ITIH5: variants seen among roughly 807,000 people sequenced by gnomAD.
ITIH5 encodes inter-alpha-trypsin inhibitor heavy chain H5.
ITIH5 carries 65 observed loss-of-function variants against 77.5 expected under a neutral mutation model. The observed-to-expected ratio is 0.84, with a 90% CI of 0.69 to 1.03. ITIH5 has a LOEUF of 1.03. Among genes scored for constraint, ITIH5 ranks in the 50% least tolerant of loss-of-function variants. The probability of loss-of-function intolerance (pLI) is 0.00; values close to 1 mark genes in which losing one functional copy is unlikely to be tolerated. For missense variants in ITIH5, 1,208 were observed against 1,213.1 expected, an observed-to-expected ratio of 1.00 and a Z score of 0.06; for synonymous variants, 525 against 494.3, an observed-to-expected ratio of 1.06 and a Z score of -0.82.
chr10:7,623,802 C>CAA (rs55790282), intron 5 of ITIH5, among the ~76,000 whole-genome samples: 1,827 of 79,760 alleles, frequency 0.023, 72 homozygotes, highest in African/African-American at 0.057. Flanking sequence ...GACTCCATCT[C>CAA]AAAAAAAAAA....
Position 7,660,038 on chromosome 10 carries a change from A to G in ITIH5, c.91-4363T>C, listed in dbSNP as rs117019632. On this transcript the variant is annotated intron_variant, in intron 1 of 13. Coordinates refer to ENST00000397146, the MANE Select transcript of ITIH5 (RefSeq NM_030569.7). ...TTCCACTGACTTCCTTGAGGCCCCA[A>G]ATCATGGACTTAAGAGATGGTGCTA... 8.4e-4 allele frequency among the ~76,000 whole-genome samples: 128 copies of G among 152,286 alleles called. 1 individual carries two copies. In the East Asian group the frequency reaches 0.02, roughly 23 times the overall value.
At chr10:7,625,773 A>AAAAGAAAG (rs199961590) in intron 5 of ITIH5, among the ~76,000 whole-genome samples, 7 of 149,682 alleles carry the variant, frequency 4.7e-5, no homozygotes, top group East Asian at 2.0e-4. Context: ...TCAAAAAAAA[A>AAAAGAAAG]AAAGAAAGAA....
chr10:7,580,047 C>G lies in ITIH5; in HGVS notation c.1126G>C (p.Ala376Pro), dbSNP rs545290385. 5.4e-5 allele frequency: 86 copies of G among 1,605,200 alleles called. No individual in the cohort carries two copies. The South Asian group carries it at 8.8e-4, about 16-fold the overall frequency. The change falls in exon 9 of 14, where the codon GCC (alanine) becomes CCC (proline). Residue 376 changes from alanine to proline, a missense_variant. Ala to Pro is a conservative substitution (Grantham distance 27). Transcript: ENST00000397146. ...SPTGGTDING[A>P]LQRAIRLLNK... ...AGGAGCCTGATGGCCCTCTGCAGGG[C>G]CCCGTTGATGTCTGTGCCTGCAGGA...
chr10:7,613,548 A>G (rs1439176460), intron 7 of ITIH5, among the ~76,000 whole-genome samples: 1 of 152,254 alleles, frequency 6.6e-6, no homozygotes, highest in Non-Finnish European at 1.5e-5. Context: ...ATCCTAAAAC[A>G]TCACAGAGGA....
chr10:7,564,078 C>A (rs1832092668), intron 13 of ITIH5, among the ~76,000 whole-genome samples: 1 of 151,300 alleles, frequency 6.6e-6, no homozygotes, highest in Non-Finnish European at 1.5e-5. Context: ...CACGTGGGTG[C>A]CCCCCCGGTG....
rs568917393 is a variant in ITIH5 at position 7,560,182 on chromosome 10, T to C, written c.*2901A>G. On this transcript the variant is annotated 3_prime_UTR_variant, in exon 14 of 14. Coordinates refer to ENST00000397146, the MANE Select transcript of ITIH5 (RefSeq NM_030569.7). The stretch of plus-strand genomic sequence containing the variant: ...TCTTCTTATAAGGGCCTTAATCCCA[T>C]TCGTGAGGGCTCTGCCCTCAAGACC... 6.1e-5 allele frequency: 11 copies of C among 180,626 alleles called. No homozygotes were observed. In the South Asian group the frequency reaches 1.2e-3, roughly 19 times the overall value. The allele number at this position is 180,626 out of a possible 1,614,324, so 11.2% of individuals were successfully genotyped here. A position where few individuals can be genotyped will look rare whatever the true frequency, so the allele number is the denominator to read the frequency against.
chr10:7,579,772 T>A lies in ITIH5; in HGVS notation c.1401A>T (p.Ala467=), dbSNP rs140879803. The A allele has an allele frequency of 4.3e-6, 7 of 1,613,608 alleles. No individual in the cohort carries two copies. In the African/African-American group the frequency reaches 9.3e-5, roughly 22 times the overall value. Residue 467 remains alanine, a synonymous_variant, in exon 9 of 14, where the codon GCA becomes GCT. Coordinates refer to ENST00000397146, the MANE Select transcript of ITIH5 (RefSeq NM_030569.7). ...LTRRVHEEED[A]GSQLIGFYDE... Reference sequence around the variant, plus strand: ...CCACAGACCCGATGAGCTGCGAGCCTGCGTCCTCCTCCTCGTGCACGCGCC... The same window carrying A: ...CCACAGACCCGATGAGCTGCGAGCCAGCGTCCTCCTCCTCGTGCACGCGCC...
intron 4 of ITIH5, among the ~76,000 whole-genome samples, chr10:7,638,563 C>T (rs776119021): frequency 6.6e-6 from 1 of 152,196 alleles, no homozygotes; most frequent in Non-Finnish European, 1.5e-5. Flanking sequence ...TAAAGTCATA[C>T]ACAGCCAAAA....
At chr10:7,648,304 T>C (rs1157517533) in intron 2 of ITIH5, among the ~76,000 whole-genome samples, 2 of 151,724 alleles carry the variant, frequency 1.3e-5, no homozygotes, top group Non-Finnish European at 2.9e-5. Context: ...GCAGTGATTA[T>C]TGTTTGATAA....
chr10:7,616,283 T>C (rs1404536333), intron 6 of ITIH5, among the ~76,000 whole-genome samples, 185 bp from the exon 7 acceptor site: 1 of 152,194 alleles, frequency 6.6e-6, no homozygotes, highest in Non-Finnish European at 1.5e-5. Flanking sequence ...GCTCATTTAA[T>C]CTGTATAAGG....
intron 5 of ITIH5, among the ~76,000 whole-genome samples, chr10:7,624,550 G>A (rs1833526908): frequency 1.3e-5 from 2 of 151,020 alleles, no homozygotes; most frequent in Non-Finnish European, 2.9e-5. Context: ...AGGCACGGTG[G>A]CTCATGCCTA....
At chr10:7,606,240 G>C (rs1833123027) in intron 7 of ITIH5, among the ~76,000 whole-genome samples, 1 of 152,176 alleles carries the variant, frequency 6.6e-6, no homozygotes, top group African/African-American at 2.4e-5. Context: ...AATCCAGCCA[G>C]CCCATTATTG....
intron 7 of ITIH5, among the ~76,000 whole-genome samples, chr10:7,604,055 C>T (rs903429241): frequency 5.3e-5 from 8 of 152,166 alleles, no homozygotes; most frequent in Admixed American, 3.3e-4. Flanking sequence ...TCCCAGGCAC[C>T]TCCAGGTTCT....
At chr10:7,622,679 T>C (rs988776239) in intron 5 of ITIH5, among the ~76,000 whole-genome samples, 8 of 152,194 alleles carry the variant, frequency 5.3e-5, no homozygotes, top group African/African-American at 1.2e-4. Context: ...ATACACATTA[T>C]ACATATGTCA....
At chr10:7,625,764 C>CAA (rs376876834) in intron 5 of ITIH5, among the ~76,000 whole-genome samples, 28 of 117,928 alleles carry the variant, frequency 2.4e-4, no homozygotes, top group East Asian at 7.3e-4. Flanking sequence ...TATTCTGTCT[C>CAA]AAAAAAAAAA....
At chr10:7,645,716 C>T (rs886251077) in intron 2 of ITIH5, among the ~76,000 whole-genome samples, 2 of 152,124 alleles carry the variant, frequency 1.3e-5, no homozygotes, top group Non-Finnish European at 2.9e-5. Context: ...TTAATGGAAA[C>T]CTAGTCTCTT....
intron 1 of ITIH5, among the ~76,000 whole-genome samples, chr10:7,658,020 G>A (rs931434059): frequency 3.3e-5 from 5 of 152,192 alleles, no homozygotes; most frequent in African/African-American, 4.8e-5. Context: ...ATACCACAGC[G>A]TAACCTAGTC....
At chr10:7,622,948 T>C (rs1020512064) in intron 5 of ITIH5, among the ~76,000 whole-genome samples, 1 of 152,248 alleles carries the variant, frequency 6.6e-6, no homozygotes, top group African/African-American at 2.4e-5. Context: ...AAGTACTTTA[T>C]AGCTTGTGCA....
chr10:7,619,118 T>A (rs1297918555), intron 5 of ITIH5: 1 of 152,186 alleles, frequency 6.6e-6, no homozygotes, highest in Non-Finnish European at 1.5e-5. Flanking sequence ...ACTACCAGCA[T>A]GGTTGAAGAT....
Sources: allele counts gnomAD v4.1 joint callset (sites outside exome capture counted in the v4.1 genomes callset), GRCh38; gene constraint gnomAD v4.1.1; transcripts MANE v1.5; gene names NCBI Gene and HGNC (gene_info 2026-07-23, HGNC 2026-07-21).